Variants in NVL observed in about 807,000 individuals in gnomAD.
The protein encoded by NVL is nuclear VCP like.
NVL carries 84 observed loss-of-function variants against 110.2 expected under a neutral mutation model. That is an observed-to-expected ratio of 0.76 (90% CI 0.64 to 0.91). NVL has a LOEUF of 0.91. Among genes scored for constraint, NVL ranks in the 40% least tolerant of loss-of-function variants. The pLI, the probability that NVL is intolerant of heterozygous loss-of-function variation, is 0.00. For missense variants in NVL, 882 were observed against 1,035.9 expected (o/e 0.85, Z 2.04); for synonymous variants, 354 against 361.1 (o/e 0.98, Z 0.22).
At chr1:224,237,730 C>CTTTTTTTTTT (rs775411063) in intron 19 of NVL, among the ~76,000 whole-genome samples, 8 of 130,076 alleles carry the variant, frequency 6.2e-5, no homozygotes, top group African/African-American at 8.6e-5. Context: ...TGCCTGGCTA[C>CTTTTTTTTTT]TTTTTTTTTT....
intron 15 of NVL, among the ~76,000 whole-genome samples, chr1:224,284,348 A>T (rs934513756): frequency 3.3e-5 from 5 of 152,156 alleles, no homozygotes; most frequent in Non-Finnish European, 4.4e-5. Context: ...ACAAAGAAAT[A>T]TAGCCAATAA....
At chr1:224,266,518 A>ATC (rs1664518349) in intron 18 of NVL, among the ~76,000 whole-genome samples, 1 of 152,186 alleles carries the variant, frequency 6.6e-6, no homozygotes. Context: ...CCCTTGACAG[A>ATC]TGCAGGCCAC....
At chr1:224,278,901 GT>G (rs999064513) in intron 16 of NVL, among the ~76,000 whole-genome samples, 1 of 151,876 alleles carries the variant, frequency 6.6e-6, no homozygotes, top group Non-Finnish European at 1.5e-5. Context: ...ATTTTATGGG[GT>G]TTTTTTGTAG....
intron 15 of NVL, among the ~76,000 whole-genome samples, chr1:224,283,216 G>A (rs1370908116): frequency 2.0e-5 from 3 of 152,158 alleles, no homozygotes; most frequent in Non-Finnish European, 4.4e-5. Context: ...GGCCGGGCAC[G>A]GTGGCTCATG....
At chr1:224,282,890 A>G (rs1463715070) in intron 15 of NVL, among the ~76,000 whole-genome samples, 1 of 152,254 alleles carries the variant, frequency 6.6e-6, no homozygotes, top group Non-Finnish European at 1.5e-5. Flanking sequence ...AACAATCAAG[A>G]TCAGCCAAAT....
intron 4 of NVL, 120 bp downstream of exon 4, chr1:224,317,574 G>A (rs1670214429): frequency 6.2e-6 from 4 of 646,056 alleles, no homozygotes; most frequent in Non-Finnish European, 1.1e-5. Context: ...TGGCTGAAGA[G>A]GTTAGGTAAA....
rs770877050 is a variant in NVL, at chr1:224,317,922, T to C, written c.140A>G (p.Tyr47Cys). 3 of 1,590,392 alleles carry C rather than the reference T, an allele frequency of 1.9e-6. No individual in the cohort carries two copies. The highest frequency in any genetic ancestry group is 2.2e-5 in the East Asian group (1 of 44,664). The change falls in exon 3 of 23, where the codon TAT (tyrosine) becomes TGT (cysteine). Residue 47 changes from tyrosine (Y) to cysteine (C), a missense_variant. Coordinates refer to ENST00000281701, the MANE Select transcript of NVL (RefSeq NM_002533.4). ...SDLQRVYSID[Y>C]GRRKRNAFRI... ...AAAAGCATTTCTTTTTCTTCGACCA[T>C]AGTCTATACTGAAAAAAGAAAACAA...
intron 4 of NVL, among the ~76,000 whole-genome samples, chr1:224,314,862 T>C (rs1669910931): frequency 6.6e-6 from 1 of 152,004 alleles, no homozygotes; most frequent in African/African-American, 2.4e-5. Context: ...TTTTCAAAAA[T>C]TAGCCGGGCA....
chr1:224,234,798 T>C lies in NVL; in HGVS notation c.2367-1509A>G, dbSNP rs1363659040. ...TGTAGTGTCTCTCAAACTGTAATTA[T>C]AGTGGCATGAAAATCCAAAATGTAC... On this transcript the variant is annotated intron_variant, in intron 20 of 22. Coordinates refer to ENST00000281701, the MANE Select transcript of NVL (RefSeq NM_002533.4). 2.0e-5 allele frequency among the ~76,000 whole-genome samples: 3 copies of C among 152,246 alleles called. No individual in the cohort carries two copies. In the East Asian group the frequency reaches 5.8e-4, roughly 29 times the overall value.
Position 224,227,491 on chromosome 1 carries a change from G to C in NVL, c.*135C>G, listed in dbSNP as rs1571732036. 1 of 552,216 alleles carries C rather than the reference G, an allele frequency of 1.8e-6. No individual in the cohort carries two copies. The highest frequency in any genetic ancestry group is 3.0e-6 in the Non-Finnish European group (1 of 338,426). 34.2% of individuals were successfully genotyped at this position (552,216 alleles called of 1,614,324 possible). ...GAATCTTCAGCTTCAGCTTCAGCTT[G>C]GCCTCATTCATTTGAAAATAAAATG... On this transcript the variant is annotated 3_prime_UTR_variant, in exon 23 of 23. Transcript: ENST00000281701.
rs1039087459 is a variant in NVL at position 224,329,113 on chromosome 1, AGGAG to A, written c.57+954_57+957del. ...GTAGTCCCAGCTACTGGGGAGGCTG[AGGAG>A]GGAGGATCACTTGAGTCAGGGAGGC... On this transcript the variant is annotated intron_variant, in intron 1 of 22. Transcript: ENST00000281701. 1.2e-3 allele frequency among the ~76,000 whole-genome samples: 186 copies of A among 152,234 alleles called. 1 individual carries two copies. Among genetic ancestry groups the A allele is most frequent in the Non-Finnish European group, 5.9e-4 (40 of 68,016 alleles).
intron 17 of NVL, among the ~76,000 whole-genome samples, chr1:224,268,508 G>C (rs977265478): frequency 6.6e-6 from 1 of 152,092 alleles, no homozygotes; most frequent in South Asian, 2.1e-4. Flanking sequence ...GCTAGCTTTC[G>C]TTTCTTTGGT....
At chr1:224,309,519 C>T (rs766315823) in intron 5 of NVL, among the ~76,000 whole-genome samples, 2 of 150,802 alleles carry the variant, frequency 1.3e-5, no homozygotes, top group Admixed American at 6.6e-5. Context: ...ACCCTGTCCC[C>T]GTGAAAACTG....
At chr1:224,289,071 T>G (rs937375689) in intron 13 of NVL, 1 of 166,302 alleles carries the variant, frequency 6.0e-6, no homozygotes, top group African/African-American at 2.4e-5. Context: ...AGGTTTAGAC[T>G]GTAAACACCG....
chr1:224,270,427 G>A (rs867271047), intron 17 of NVL, among the ~76,000 whole-genome samples: 3 of 152,050 alleles, frequency 2.0e-5, no homozygotes, highest in African/African-American at 7.2e-5. Flanking sequence ...GCATGGTGGT[G>A]GGAACCTGTA....
chr1:224,329,562 C>A (rs941797811), intron 1 of NVL, among the ~76,000 whole-genome samples: 10 of 152,208 alleles, frequency 6.6e-5, no homozygotes, highest in Non-Finnish European at 1.0e-4. Context: ...ATTTGCCACA[C>A]ACTGCTTTTT....
At chr1:224,255,809 A>C (rs1663155714) in intron 18 of NVL, among the ~76,000 whole-genome samples, 1 of 152,230 alleles carries the variant, frequency 6.6e-6, no homozygotes, top group African/African-American at 2.4e-5. Context: ...TCAAGGTAGA[A>C]AAAAATTTCT....
At chr1:224,301,371 C>T (rs1668391425) in intron 9 of NVL, among the ~76,000 whole-genome samples, 1 of 152,038 alleles carries the variant, frequency 6.6e-6, no homozygotes, top group Non-Finnish European at 1.5e-5. Flanking sequence ...TCCCAAAGTG[C>T]TGGGGATACA....
chr1:224,251,131 A>G (rs28798069), intron 18 of NVL, among the ~76,000 whole-genome samples: 80,749 of 151,446 alleles, frequency 0.53, 21,800 homozygotes, highest in East Asian at 0.61. Flanking sequence ...AAAATTAGCC[A>G]GGTGTGATGG....
Sources: allele counts gnomAD v4.1 joint callset (sites outside exome capture counted in the v4.1 genomes callset), GRCh38; gene constraint gnomAD v4.1.1; transcripts MANE v1.5; gene names NCBI Gene and HGNC (gene_info 2026-07-23, HGNC 2026-07-21).